ANP32B: variants seen among roughly 807,000 people sequenced by gnomAD.
The protein encoded by ANP32B is acidic nuclear phosphoprotein 32 family member B.
In ANP32B, 6 loss-of-function variants were observed where a neutral mutation model predicts 32.2. That is an observed-to-expected ratio of 0.19 (90% CI 0.10 to 0.37). ANP32B has a LOEUF of 0.37. Among genes scored for constraint, ANP32B ranks in the 10% least tolerant of loss-of-function variants. The pLI is 1.00. For missense variants in ANP32B, 204 were observed against 289.2 expected, an observed-to-expected ratio of 0.71 and a Z score of 2.14; for synonymous variants, 98 against 105.8, an observed-to-expected ratio of 0.93 and a Z score of 0.45.
At chr9:97,984,573 G>GCA (rs144894688) in intron 1 of ANP32B, 37,949 of 150,740 alleles carry the variant, frequency 0.25, 5,268 homozygotes, top group South Asian at 0.49. Context: ...ACAGGCCGCC[G>GCA]CAGCGCCATG....
At chr9:98,014,670 TGAA>T (rs1281994112) in intron 6 of ANP32B, among the ~76,000 whole-genome samples, 1 of 152,208 alleles carries the variant, frequency 6.6e-6, no homozygotes, top group Non-Finnish European at 1.5e-5. Flanking sequence ...ATTTTACAGA[TGAA>T]AAAGGCTTAA....
chr9:97,993,885 A>G (rs2131583705), intron 1 of ANP32B, among the ~76,000 whole-genome samples: 1 of 152,298 alleles, frequency 6.6e-6, no homozygotes, highest in Non-Finnish European at 1.5e-5. Context: ...TGCCCACTTC[A>G]GCCTCCCAAA....
chr9:98,002,763 T>C (rs1047372242), intron 3 of ANP32B, among the ~76,000 whole-genome samples: 1 of 152,224 alleles, frequency 6.6e-6, no homozygotes, highest in Non-Finnish European at 1.5e-5. Context: ...CCCTGTGTAC[T>C]GGAAGAGTCA....
chr9:98,006,490 G>A (rs529410073), intron 4 of ANP32B, among the ~76,000 whole-genome samples: 2 of 152,168 alleles, frequency 1.3e-5, no homozygotes, highest in South Asian at 2.1e-4. Context: ...AAAAAACGTC[G>A]CTGGAGAGCT....
chr9:97,986,677 A>G (rs1393936085), intron 1 of ANP32B: 2 of 152,286 alleles, frequency 1.3e-5, no homozygotes, highest in East Asian at 3.8e-4. Flanking sequence ...CATGCCATAA[A>G]CACCACAGAA....
intron 4 of ANP32B, among the ~76,000 whole-genome samples, chr9:98,010,492 C>T (rs1307871244): frequency 2.0e-5 from 3 of 152,060 alleles, no homozygotes. Context: ...AATGGAGAAG[C>T]ACCACATACT....
At chr9:98,001,751 T>C (rs1365790866) in intron 3 of ANP32B, among the ~76,000 whole-genome samples, 1 of 152,160 alleles carries the variant, frequency 6.6e-6, no homozygotes, top group African/African-American at 2.4e-5. Context: ...CCCAGGATAG[T>C]GAAGGATAAA....
Position 98,011,360 on chromosome 9 carries a change from G to T in ANP32B, c.607G>T (p.Asp203Tyr). ...EDDEDEDVEG[D>Y]EDDDEVSEEE... ...TGATGAAGATGAAGATGTAGAAGGG[G>T]ATGAGGACGACGATGAAGTCAGTGA... is the stretch of plus-strand genomic sequence containing the variant. Residue 203 changes from aspartate (D) to tyrosine (Y), a missense_variant, in exon 5 of 7, where the codon GAT (aspartate) becomes TAT (tyrosine). Coordinates refer to ENST00000339399, the MANE Select transcript of ANP32B (RefSeq NM_006401.3). 1 of 1,568,518 alleles carries T rather than the reference G, an allele frequency of 6.4e-7. No individual in the cohort carries two copies. The highest frequency in any genetic ancestry group is 1.2e-5 in the South Asian group (1 of 86,050).
chr9:97,998,408 C>CA, intron 2 of ANP32B, 148 bp from the exon 3 acceptor site: 1 of 799,086 alleles, frequency 1.3e-6, no homozygotes, highest in South Asian at 3.2e-5. Flanking sequence ...TGGATTTAAA[C>CA]AAAATGAACA....
chr9:98,011,339 G>T lies in ANP32B; in HGVS notation c.586G>T (p.Glu196Ter). ...EEEEFDEEDD[E>*]DEDVEGDEDD... Reference sequence around the variant, plus strand: ...AGAGGAGTTTGATGAAGAAGATGATGAAGATGAAGATGTAGAAGGGGATGA... The same window carrying T: ...AGAGGAGTTTGATGAAGAAGATGATTAAGATGAAGATGTAGAAGGGGATGA... The change falls in exon 5 of 7, where the codon GAA becomes TAA. Residue 196 changes from glutamate to a stop codon, truncating the protein, a stop_gained. Coordinates refer to ENST00000339399, the MANE Select transcript of ANP32B (RefSeq NM_006401.3). LOFTEE classifies it high-confidence loss of function. 6.4e-7 allele frequency: 1 copy of T among 1,552,566 alleles called. No individual in the cohort carries two copies.
chr9:98,011,224 G>T (rs1331418152), intron 4 of ANP32B, 47 bp from the exon 5 acceptor site: 1 of 1,541,688 alleles, frequency 6.5e-7, no homozygotes, highest in Non-Finnish European at 8.8e-7. Flanking sequence ...TTTGTCCCCT[G>T]TGGAGCGTCG....
chr9:97,998,292 G>C (rs946535448), intron 2 of ANP32B, among the ~76,000 whole-genome samples: 1 of 152,196 alleles, frequency 6.6e-6, no homozygotes, highest in Non-Finnish European at 1.5e-5. Flanking sequence ...TTTTAAGTTA[G>C]AAAATTTATT....
Position 98,012,912 on chromosome 9 carries a change from A to C in ANP32B, c.688+440A>C, listed in dbSNP as rs146216091. ...CGCCCAGCTAATTGTTTGCATTTTTAGTAGAGACGGGGTTTCACCGTGTTA... is the reference window on the plus strand; with the variant it reads ...CGCCCAGCTAATTGTTTGCATTTTTCGTAGAGACGGGGTTTCACCGTGTTA... On this transcript the variant is annotated intron_variant, in intron 6 of 6. Transcript: ENST00000339399. 2.0e-3 allele frequency among the ~76,000 whole-genome samples: 306 copies of C among 152,164 alleles called. 1 individual carries two copies. Among genetic ancestry groups the C allele is most frequent in the African/African-American group, 6.8e-3 (284 of 41,510 alleles).
intron 3 of ANP32B, among the ~76,000 whole-genome samples, chr9:98,003,798 ATCT>A (rs1828033136): frequency 6.6e-6 from 1 of 152,218 alleles, no homozygotes; most frequent in Admixed American, 6.5e-5. Context: ...TTTTAGTACT[ATCT>A]TCTTAGAGAA....
At chr9:97,996,198 A>G (rs1827903455) in intron 2 of ANP32B, among the ~76,000 whole-genome samples, 1 of 152,098 alleles carries the variant, frequency 6.6e-6, no homozygotes, top group Non-Finnish European at 1.5e-5. Context: ...TTTAGCATCT[A>G]TTTACATAAA....
At chr9:98,007,250 TC>T (rs1828101718) in intron 4 of ANP32B, among the ~76,000 whole-genome samples, 1 of 152,248 alleles carries the variant, frequency 6.6e-6, no homozygotes, top group African/African-American at 2.4e-5. Context: ...GAAGAGTTGA[TC>T]CTGCCTGCTG....
intron 4 of ANP32B, among the ~76,000 whole-genome samples, chr9:98,006,464 A>ACG (rs1828085052): frequency 6.6e-6 from 1 of 151,860 alleles, no homozygotes; most frequent in Non-Finnish European, 1.5e-5. Flanking sequence ...CCACAAGCTA[A>ACG]CTATCCAACA....
At chr9:97,987,711 A>T (rs934317408) in intron 1 of ANP32B, 1 of 152,204 alleles carries the variant, frequency 6.6e-6, no homozygotes, top group Non-Finnish European at 1.5e-5. Context: ...CTGGTGTGCT[A>T]TATGCTGGAC....
In ANP32B at chr9:98,015,613, G is replaced by T; in HGVS notation, c.*182G>T. The T allele has an allele frequency of 7.6e-7, 1 of 1,318,184 alleles. No homozygotes were observed. The highest frequency in any genetic ancestry group is 9.7e-7 in the Non-Finnish European group (1 of 1,026,530). The allele number at this position is 1,318,184 out of a possible 1,614,324, so 81.7% of individuals were successfully genotyped here. On this transcript the variant is annotated 3_prime_UTR_variant, in exon 7 of 7. Coordinates refer to ENST00000339399, the MANE Select transcript of ANP32B (RefSeq NM_006401.3). ...CCTTCCTTCCATGTAGTCCCTCTTG[G>T]TAATCTACCACCAAGCTTGTGGACT...
Sources: allele counts gnomAD v4.1 joint callset (sites outside exome capture counted in the v4.1 genomes callset), GRCh38; gene constraint gnomAD v4.1.1; transcripts MANE v1.5; gene names NCBI Gene and HGNC (gene_info 2026-07-23, HGNC 2026-07-21).